Variants in PLA2G4E observed in about 807,000 individuals in gnomAD.
The protein encoded by PLA2G4E is phospholipase A2 group IVE, also known as cytosolic phospholipase A2 epsilon.
A neutral mutation model predicts 109.1 loss-of-function variants in PLA2G4E; 84 were observed. The observed-to-expected ratio is 0.77, with a 90% CI of 0.65 to 0.92. The LOEUF is 0.92. Among genes scored for constraint, PLA2G4E ranks in the 40% least tolerant of loss-of-function variants. PLA2G4E has a pLI of 0.00. For synonymous variants in PLA2G4E, 469 were observed against 436.1 expected (o/e 1.08, Z -0.94); for missense variants, 1,057 against 1,076.6 (o/e 0.98, Z 0.25).
intron 2 of PLA2G4E, chr15:42,010,243 C>T (rs184656272): frequency 8.7e-4 from 397 of 456,212 alleles, no homozygotes; most frequent in African/African-American, 6.9e-3. Context: ...GCACTTGGCG[C>T]GCATGATTTG....
chr15:42,001,065 G>A, intron 7 of PLA2G4E, 92 bp downstream of exon 7: 1 of 1,338,008 alleles, frequency 7.5e-7, no homozygotes, highest in South Asian at 1.2e-5. Flanking sequence ...TGAGCCCAGG[G>A]AAGCCCTGGA....
At chr15:42,019,786 G>A (rs562999704) in intron 1 of PLA2G4E, among the ~76,000 whole-genome samples, 5 of 152,156 alleles carry the variant, frequency 3.3e-5, no homozygotes, top group African/African-American at 1.2e-4. Context: ...TTATCACCAG[G>A]CTAGTTGAGT....
At chr15:41,988,078 C>G in exon 16 of PLA2G4E, 1 of 1,607,358 alleles carries the variant, frequency 6.2e-7, no homozygotes, top group South Asian at 1.1e-5. Flanking sequence ...CCTTGTCCAC[C>G]TGTGGAAAAA....
chr15:42,049,210 G>C (rs965750501), intron 1 of PLA2G4E, among the ~76,000 whole-genome samples: 2 of 152,144 alleles, frequency 1.3e-5, no homozygotes, highest in Non-Finnish European at 2.9e-5. Context: ...CCTGGGGCGG[G>C]GCTCTTGACC....
At chr15:42,013,572 C>T (rs76383211) in intron 2 of PLA2G4E, 113 bp downstream of exon 2, 642,352 of 964,090 alleles carry the variant, frequency 0.67, 218,055 homozygotes, top group East Asian at 0.93. Flanking sequence ...CATGCACGTG[C>T]ACACGTGCGC....
chr15:42,000,228 C>G lies in PLA2G4E; in HGVS notation c.728G>C (p.Arg243Pro), dbSNP rs1317773344. 1.3e-6 allele frequency: 2 copies of G among 1,584,300 alleles called. No homozygotes were observed. The highest frequency in any genetic ancestry group is 8.6e-7 in the Non-Finnish European group (1 of 1,165,336). ...TGGGCAGCAGGGTTCCAAGCAGGGC[C>G]GGACACGCTGGGTGTTCTCAAAGGA... The change falls in exon 8 of 20, where the codon CGG (arginine) becomes CCG (proline). Residue 243 changes from arginine to proline, a missense_variant. Coordinates refer to ENST00000399518, the Ensembl canonical transcript of PLA2G4E.
intron 18 of PLA2G4E, 66 bp from the exon 19 acceptor site, chr15:41,984,685 T>C: frequency 7.3e-7 from 1 of 1,378,322 alleles, no homozygotes; most frequent in Admixed American, 2.4e-5. Context: ...AGCACAGAGT[T>C]CTTAGCCCCA....
At chr15:42,008,844 G>A (rs913708988) in intron 2 of PLA2G4E, among the ~76,000 whole-genome samples, 3 of 152,192 alleles carry the variant, frequency 2.0e-5, no homozygotes, top group Non-Finnish European at 4.4e-5. Flanking sequence ...GAGTCCTCTC[G>A]ATGGTAAAGC....
intron 19 of PLA2G4E, 138 bp downstream of exon 19, chr15:41,984,298 C>T: frequency 1.1e-6 from 1 of 920,384 alleles, no homozygotes; most frequent in Non-Finnish European, 1.6e-6. Context: ...AGGCGCCCTT[C>T]TTTGTGGAAG....
At chr15:42,046,048 G>C (rs1285144502) in intron 1 of PLA2G4E, among the ~76,000 whole-genome samples, 1 of 152,078 alleles carries the variant, frequency 6.6e-6, no homozygotes, top group Non-Finnish European at 1.5e-5. Flanking sequence ...TGTGTCCCAA[G>C]TCCTGTAAAT....
At chr15:42,004,954 A>C (rs1252709604) in exon 5 of PLA2G4E, 2 of 1,613,000 alleles carry the variant, frequency 1.2e-6, no homozygotes, top group Non-Finnish European at 1.7e-6. Flanking sequence ...TCCAGCAGGA[A>C]CTCCACCTCC....
At position 42,032,148 on chromosome 15, in the gene PLA2G4E, CA is replaced by C. The variant is rs998557166; in HGVS notation, c.183+18372del. Reference sequence around the variant, plus strand: ...GAGTAAAAGCTTCCTGAGGGCTCACCAGAAGCCAAGCAGATGCTGGTGTCAT... The same window carrying C: ...GAGTAAAAGCTTCCTGAGGGCTCACCGAAGCCAAGCAGATGCTGGTGTCAT... On this transcript the variant is annotated intron_variant, in intron 1 of 19. Coordinates refer to ENST00000399518, the Ensembl canonical transcript of PLA2G4E. Among the ~76,000 whole-genome samples the C allele has an allele frequency of 2.1e-4, 32 of 152,176 alleles. 1 individual carries two copies.
intron 1 of PLA2G4E, among the ~76,000 whole-genome samples, chr15:42,019,233 C>T (rs2068624981): frequency 1.3e-5 from 2 of 152,226 alleles, no homozygotes; most frequent in Admixed American, 1.3e-4. Flanking sequence ...GTAGCAGAGA[C>T]AGGAGGAAAA....
In PLA2G4E at chr15:41,995,568, G is replaced by T. The variant is rs115303075; in HGVS notation, c.1111-72C>A. 3.0e-5 allele frequency: 47 copies of T among 1,578,756 alleles called. No homozygotes were observed. The African/African-American group carries it at 5.8e-4, about 19-fold the overall frequency. On this transcript the variant is annotated intron_variant, in intron 11 of 19. Transcript: ENST00000399518. The stretch of plus-strand genomic sequence containing the variant: ...AGCTTGGGAGAAGACTTAGAATGAC[G>T]GCAACTTTGAAAGAACAATGGAGGA...
At chr15:42,009,596 C>G (rs1017638491) in intron 2 of PLA2G4E, among the ~76,000 whole-genome samples, 1 of 152,188 alleles carries the variant, frequency 6.6e-6, no homozygotes, top group Non-Finnish European at 1.5e-5. Flanking sequence ...TCAGTCTCAT[C>G]TCTCCACCCT....
rs1244016407 is a variant in PLA2G4E, at chr15:41,984,628, G to A, written c.2203-9C>T. 23 of 1,578,884 alleles carry A rather than the reference G, an allele frequency of 1.5e-5. No individual in the cohort carries two copies. The highest frequency in any genetic ancestry group is 1.9e-5 in the Non-Finnish European group (22 of 1,155,802). ...CAGGTTTGTTTCAGGGGCTGGAACA[G>A]CACAGAGGGCGTGTTTGAGCATTAG... On this transcript the variant is annotated splice_polypyrimidine_tract_variant and intron_variant, in intron 18 of 19. Transcript: ENST00000399518.
rs544304388 is a variant in PLA2G4E at position 41,988,717 on chromosome 15, G to A, written c.1724-561C>T. ...GCCAGAGTTCAGAGTTCAAGCCCAC[G>A]TGTTTTGCCCACAGTTTTCTAAACC... On this transcript the variant is annotated intron_variant, in intron 15 of 19. Transcript: ENST00000399518. Among the ~76,000 whole-genome samples, 40 of 152,270 alleles carry A rather than the reference G, an allele frequency of 2.6e-4. No homozygotes were observed. In the South Asian group the frequency reaches 6.8e-3, roughly 26 times the overall value.
intron 1 of PLA2G4E, among the ~76,000 whole-genome samples, chr15:42,035,082 A>G (rs1250181752): frequency 6.6e-6 from 1 of 152,140 alleles, no homozygotes; most frequent in Non-Finnish European, 1.5e-5. Flanking sequence ...AAATTAGGGC[A>G]TATGCTCCTC....
At chr15:41,985,183 C>T (rs1389910485) in intron 18 of PLA2G4E, among the ~76,000 whole-genome samples, 1 of 152,108 alleles carries the variant, frequency 6.6e-6, no homozygotes. Context: ...AGCAGTTGTG[C>T]CGTCTCCCTC....
Sources: gnomAD v4.1 joint callset for allele counts (sites outside exome capture counted in the v4.1 genomes callset) on GRCh38, gnomAD v4.1.1 for gene constraint, MANE v1.5 for transcripts, NCBI Gene and HGNC (gene_info 2026-07-23, HGNC 2026-07-21) for gene names.